The following FEM1C variants were observed in gnomAD, a reference collection of about 807,000 sequenced individuals.
The protein encoded by FEM1C is fem-1 homolog C.
In FEM1C, 15 loss-of-function variants were observed where a neutral mutation model predicts 37.6. That is an observed-to-expected ratio of 0.40 (90% CI 0.27 to 0.61). The LOEUF is 0.61. Ranked by LOEUF, FEM1C falls within the 20% of genes least tolerant of loss-of-function variation. FEM1C has a pLI of 0.42. For synonymous variants in FEM1C, 287 were observed against 272.8 expected, an observed-to-expected ratio of 1.05 and a Z score of -0.51; for missense variants, 532 against 749.7, an observed-to-expected ratio of 0.71 and a Z score of 3.39.
At position 115,543,642 on chromosome 5, in the gene FEM1C, C is replaced by G; in HGVS notation, c.-149G>C. The G allele has an allele frequency of 7.0e-7, 1 of 1,424,042 alleles. No individual in the cohort carries two copies. The allele number at this position is 1,424,042 out of a possible 1,614,324, so 88.2% of individuals were successfully genotyped here. ...GATACACAACCACGAAGAGTATGTT[C>G]CGTCCTACTGCTTTCCAACATCTGA... On this transcript the variant is annotated 5_prime_UTR_variant, in exon 2 of 3. Coordinates refer to ENST00000274457, the MANE Select transcript of FEM1C (RefSeq NM_020177.3).
At chr5:115,531,337 T>C (rs901705207) in intron 2 of FEM1C, among the ~76,000 whole-genome samples, 2 of 152,196 alleles carry the variant, frequency 1.3e-5, no homozygotes, top group East Asian at 1.9e-4. Flanking sequence ...TTCAAAATTC[T>C]ACATCATTGA....
intron 2 of FEM1C, among the ~76,000 whole-genome samples, chr5:115,533,657 C>A (rs1754061611): frequency 1.3e-5 from 2 of 151,858 alleles, no homozygotes; most frequent in Non-Finnish European, 2.9e-5. Context: ...CATAATACAG[C>A]GATCGTACTT....
Position 115,524,184 on chromosome 5 carries a change from A to G in FEM1C, c.*124T>C. ...GTAAATTTGATGCTTATAATGCTTT[A>G]GCCAATGAGAGCACAATGATATCAA... On this transcript the variant is annotated 3_prime_UTR_variant, in exon 3 of 3. Transcript: ENST00000274457. The G allele has an allele frequency of 1.4e-6, 1 of 712,808 alleles. No homozygotes were observed. The allele number at this position is 712,808 out of a possible 1,614,324, so 44.2% of individuals were successfully genotyped here.
chr5:115,534,199 T>C (rs182250984), intron 2 of FEM1C, among the ~76,000 whole-genome samples: 18 of 152,078 alleles, frequency 1.2e-4, no homozygotes, highest in Non-Finnish European at 2.4e-4. Flanking sequence ...CAGGAAACTA[T>C]GGTAAGTGCT....
In FEM1C at chr5:115,543,535, G is replaced by C. The variant is rs761547477; in HGVS notation, c.-42C>G. On this transcript the variant is annotated 5_prime_UTR_variant, in exon 2 of 3. Transcript: ENST00000274457. ...GGCTGTGCTTTATTTATCTTTCAAA[G>C]CAGAGCTCCAGTTTAACTCTATCGA... 1 of 1,542,640 alleles carries C rather than the reference G, an allele frequency of 6.5e-7. No individual in the cohort carries two copies. The highest frequency in any genetic ancestry group is 8.7e-7 in the Non-Finnish European group (1 of 1,154,444).
At chr5:115,536,081 A>C (rs1275920335) in intron 2 of FEM1C, among the ~76,000 whole-genome samples, 1 of 151,862 alleles carries the variant, frequency 6.6e-6, no homozygotes, top group African/African-American at 2.4e-5. Flanking sequence ...ATGAGGAGGG[A>C]TAGGAGGGAG....
At chr5:115,528,417 G>A (rs1466555194) in intron 2 of FEM1C, among the ~76,000 whole-genome samples, 1 of 152,044 alleles carries the variant, frequency 6.6e-6, no homozygotes, top group Non-Finnish European at 1.5e-5. Flanking sequence ...GGGGAAAAGT[G>A]GAGCCTACAG....
chr5:115,536,987 A>G (rs1754142399), intron 2 of FEM1C, among the ~76,000 whole-genome samples: 1 of 152,030 alleles, frequency 6.6e-6, no homozygotes, highest in Non-Finnish European at 1.5e-5. Flanking sequence ...GCAACTAATT[A>G]TGTGTAAAAA....
Position 115,536,617 on chromosome 5 carries a change from T to A in FEM1C, c.544+6333A>T, listed in dbSNP as rs76942975. ...TATCAAAGGAGCACTAGAAGAAGGA[T>A]TCTCTGCTTAGAATGTTTCCCTTCC... On this transcript the variant is annotated intron_variant, in intron 2 of 2. Transcript: ENST00000274457. 4.5e-3 allele frequency among the ~76,000 whole-genome samples: 677 copies of A among 151,960 alleles called. 9 individuals carry two copies. Among genetic ancestry groups the A allele is most frequent in the African/African-American group, 0.015 (631 of 41,484 alleles).
Position 115,530,833 on chromosome 5 carries a change from AAAT to A in FEM1C, c.545-5219_545-5217del, listed in dbSNP as rs534219290. ...TAACTGGGTGATCATAAAAAGCACT[AAAT>A]AATAAATTAGATAAAAAGAAAGGCT... On this transcript the variant is annotated intron_variant, in intron 2 of 2. Coordinates refer to ENST00000274457, the MANE Select transcript of FEM1C (RefSeq NM_020177.3). Among the ~76,000 whole-genome samples the A allele has an allele frequency of 2.9e-3, 435 of 152,250 alleles. 2 individuals carry two copies. Among genetic ancestry groups the A allele is most frequent in the African/African-American group, 0.01 (421 of 41,578 alleles).
At chr5:115,543,771 G>T in intron 1 of FEM1C, 88 bp from the exon 2 acceptor site, 2 of 1,215,548 alleles carry the variant, frequency 1.6e-6, no homozygotes, top group Non-Finnish European at 2.1e-6. Flanking sequence ...TGGGAAGAAA[G>T]GAATAAAAGC....
intron 2 of FEM1C, among the ~76,000 whole-genome samples, chr5:115,530,977 G>A (rs747756012): frequency 3.3e-5 from 5 of 151,650 alleles, no homozygotes; most frequent in Non-Finnish European, 7.4e-5. Context: ...AAAGGGATAC[G>A]TATGCGAATA....
At position 115,524,916 on chromosome 5, in the gene FEM1C, A is replaced by C. The variant is rs754571909; in HGVS notation, c.1246T>G (p.Cys416Gly). The C allele has an allele frequency of 6.2e-7, 1 of 1,613,698 alleles. No homozygotes were observed. Among genetic ancestry groups the C allele is most frequent in the African/African-American group, 1.3e-5 (1 of 74,904 alleles). ...CGCTCTATTTCAAGGACGCTTTTGC[A>C]AAGTATGCCCATAAGATCATCAAAT... ...VTFDDLMGIL[C>G]KSVLEIERAI... is the part of the protein sequence containing the mutation. The change falls in exon 3 of 3, where the codon TGC becomes GGC. Residue 416 changes from cysteine (C) to glycine (G), a missense_variant. Transcript: ENST00000274457.
intron 2 of FEM1C, 98 bp from the exon 3 acceptor site, chr5:115,525,715 G>A (rs1018176911): frequency 2.0e-6 from 2 of 994,224 alleles, no homozygotes; most frequent in Non-Finnish European, 2.8e-6. Context: ...AAAGCAGGAA[G>A]CTTTAAGTTC....
intron 2 of FEM1C, among the ~76,000 whole-genome samples, chr5:115,531,755 G>C (rs1424939131): frequency 2.0e-5 from 3 of 151,920 alleles, no homozygotes; most frequent in Admixed American, 2.0e-4. Flanking sequence ...TTTTTCATTT[G>C]ATTTCTTTCT....
intron 2 of FEM1C, among the ~76,000 whole-genome samples, chr5:115,541,704 T>C (rs1456461181): frequency 1.3e-5 from 2 of 152,110 alleles, no homozygotes; most frequent in Non-Finnish European, 2.9e-5. Flanking sequence ...TACAATGAAA[T>C]ACTGTATAGC....
rs915282298 is a variant in FEM1C, at chr5:115,522,327, T to A, written c.*1981A>T. On this transcript the variant is annotated 3_prime_UTR_variant, in exon 3 of 3. Transcript: ENST00000274457. ...TCAAGATACTGACATTTGATATTTC[T>A]AGAATATTGGTCTAAATCATAAAGT... is the stretch of plus-strand genomic sequence containing the variant. 2.6e-5 allele frequency: 4 copies of A among 152,078 alleles called. No individual in the cohort carries two copies. The South Asian group carries it at 8.3e-4, about 31-fold the overall frequency. The allele number at this position is 152,078 out of a possible 1,614,324, so 9.4% of individuals were successfully genotyped here.
rs756315562 is a variant in FEM1C, at chr5:115,524,308, T to C, written c.1854A>G (p.Ter618TrpextTer1). The stretch of plus-strand genomic sequence containing the variant: ...ACAGTGCTAAAATACAGTCAAGTTA[T>C]CATCTATGAAGGGAAACAAAAGTCT... ...KLETFVSLHR* is the reference protein window; with the variant it reads ...KLETFVSLHRW Residue 618 changes from the stop codon to tryptophan, a stop_lost, in exon 3 of 3, where the codon TGA becomes TGG. Transcript: ENST00000274457. The C allele has an allele frequency of 3.7e-6, 6 of 1,612,188 alleles. No homozygotes were observed. Among genetic ancestry groups the C allele is most frequent in the Non-Finnish European group, 5.1e-6 (6 of 1,178,718 alleles).
chr5:115,525,036 T>G lies in FEM1C; in HGVS notation c.1126A>C (p.Ser376Arg). The change falls in exon 3 of 3, where the codon AGC becomes CGC. Residue 376 changes from serine to arginine, a missense_variant. Physicochemically the swap from Ser to Arg is moderately radical, Grantham distance 110. This residue lies in a region of FEM1C where 221 missense variants were observed against 404.1 expected (regional missense o/e 0.55). Coordinates refer to ENST00000274457, the MANE Select transcript of FEM1C (RefSeq NM_020177.3). ...DMQQSNLDPLSPMTASSLLSF... is the reference protein window; with the variant it reads ...DMQQSNLDPLRPMTASSLLSF... ...AATAAGCTGCTGGCGGTCATTGGGC[T>G]TAAAGGATCCAAATTGCTCTGCTGC... 4 of 1,613,740 alleles carry G rather than the reference T, an allele frequency of 2.5e-6. No homozygotes were observed. The highest frequency in any genetic ancestry group is 3.4e-6 in the Non-Finnish European group (4 of 1,179,840).
Sources: gnomAD v4.1 joint callset for allele counts (sites outside exome capture counted in the v4.1 genomes callset) on GRCh38, gnomAD v4.1.1 for gene constraint, gnomAD v4.1.1 regional missense constraint, MANE v1.5 for transcripts, NCBI Gene and HGNC (gene_info 2026-07-23, HGNC 2026-07-21) for gene names.